Variants in APOL2 observed in about 807,000 individuals in gnomAD.
APOL2 encodes apolipoprotein L, 2.
In APOL2, 8 loss-of-function variants were observed where a neutral mutation model predicts 7.1. That is an observed-to-expected ratio of 1.12 (90% CI 0.66 to 2.03). The LOEUF (loss-of-function observed/expected upper bound fraction) is 2.03. APOL2 is among the 30% of genes most tolerant of loss of function. APOL2 has a pLI of 0.00. For missense variants in APOL2, 471 were observed against 415.1 expected, an observed-to-expected ratio of 1.13 and a Z score of -1.17; for synonymous variants, 177 against 159.9, an observed-to-expected ratio of 1.11 and a Z score of -0.81.
chr22:36,232,603 C>T (rs1474487782), intron 3 of APOL2, among the ~76,000 whole-genome samples: 1 of 152,162 alleles, frequency 6.6e-6, no homozygotes, highest in Non-Finnish European at 1.5e-5. Flanking sequence ...CCAGGTCACA[C>T]AGAAGGGACT....
At position 36,230,177 on chromosome 22, in the gene APOL2, T is replaced by C. The variant is rs890873914; in HGVS notation, c.137+1163A>G. On this transcript the variant is annotated intron_variant, in intron 4 of 4. Coordinates refer to ENST00000358502, the MANE Select transcript of APOL2 (RefSeq NM_030882.4). Reference sequence around the variant, plus strand: ...GTAGAGGAAGTGTTTTCCTCCTCGGTTGGGACTTTGTGAGTCTGCTCAGTA... The same window carrying C: ...GTAGAGGAAGTGTTTTCCTCCTCGGCTGGGACTTTGTGAGTCTGCTCAGTA... 5.3e-5 allele frequency among the ~76,000 whole-genome samples: 8 copies of C among 152,252 alleles called. 1 individual carries two copies. Among genetic ancestry groups the C allele is most frequent in the African/African-American group, 1.4e-4 (6 of 41,470 alleles).
intron 1 of APOL2, chr22:36,237,004 A>T: frequency 7.1e-7 from 1 of 1,404,484 alleles, no homozygotes; most frequent in Non-Finnish European, 9.3e-7. Context: ...CATGAGAACC[A>T]GGAGGACCAG....
rs368449159 is a variant in APOL2 at position 36,227,477 on chromosome 22, G to A, written c.941C>T (p.Ala314Val). The A allele has an allele frequency of 1.7e-4, 277 of 1,614,040 alleles. No individual in the cohort carries two copies. The highest frequency in any genetic ancestry group is 2.2e-4 in the Non-Finnish European group (255 of 1,180,030). ...GTTGAGCTTCCCCTCCAGCTCCTGA[G>A]CCCGCTTCTTCAGCTCCTCAGCTGA... ...SESAEELKKRAQELEGKLNFL... is the reference protein window; with the variant it reads ...SESAEELKKRVQELEGKLNFL... The change falls in exon 5 of 5, where the codon GCT becomes GTT. Residue 314 changes from alanine (A) to valine (V), a missense_variant. Physicochemically the swap from Ala to Val is moderately conservative, Grantham distance 64 (BLOSUM62 0). Transcript: ENST00000358502.
chr22:36,232,442 A>G (rs934776072), intron 3 of APOL2, among the ~76,000 whole-genome samples: 2 of 152,244 alleles, frequency 1.3e-5, no homozygotes, highest in African/African-American at 4.8e-5. Flanking sequence ...GGGGATAGAT[A>G]GAGGAGATAG....
intron 1 of APOL2, chr22:36,239,089 T>G (rs2015512322): frequency 1.7e-6 from 2 of 1,146,474 alleles, no homozygotes; most frequent in Non-Finnish European, 2.2e-6. Context: ...TCCACCTTCT[T>G]TGATTCCTTC....
Position 36,227,024 on chromosome 22 carries a change from T to C in APOL2, c.*380A>G, listed in dbSNP as rs1254663553. The C allele has an allele frequency of 1.6e-5, 3 of 182,764 alleles. No homozygotes were observed. The highest frequency in any genetic ancestry group is 3.4e-5 in the Non-Finnish European group (3 of 87,382). The allele number at this position is 182,764 out of a possible 1,614,324, so 11.3% of individuals were successfully genotyped here. A position where few individuals can be genotyped will look rare whatever the true frequency, so the allele number is the denominator to read the frequency against. Reference sequence around the variant, plus strand: ...CCCTCCTTATCCCCCTAATAAAATGTCTGCATTTTGGCCAGGCGCGGTGGC... The same window carrying C: ...CCCTCCTTATCCCCCTAATAAAATGCCTGCATTTTGGCCAGGCGCGGTGGC... On this transcript the variant is annotated 3_prime_UTR_variant, in exon 5 of 5. Coordinates refer to ENST00000358502, the MANE Select transcript of APOL2 (RefSeq NM_030882.4).
chr22:36,239,382 C>T (rs913490318), intron 1 of APOL2, 59 bp downstream of exon 1: 4 of 1,477,740 alleles, frequency 2.7e-6, no homozygotes, highest in Non-Finnish European at 3.6e-6. Context: ...TGATCCTTCC[C>T]TTATAGAGCT....
In APOL2 at chr22:36,232,111, A is replaced by C. The variant is rs184007438; in HGVS notation, c.11-645T>G. ...ATTTTCCAAAAAGGTAAATCAAAACAGGCAGTTTTGTAACTGCAACCAATC... is the reference window on the plus strand; with the variant it reads ...ATTTTCCAAAAAGGTAAATCAAAACCGGCAGTTTTGTAACTGCAACCAATC... On this transcript the variant is annotated intron_variant, in intron 3 of 4. Coordinates refer to ENST00000358502, the MANE Select transcript of APOL2 (RefSeq NM_030882.4). 2.6e-4 allele frequency among the ~76,000 whole-genome samples: 40 copies of C among 152,388 alleles called. 1 individual carries two copies. Among genetic ancestry groups the C allele is most frequent in the East Asian group, 5.8e-4 (3 of 5,194 alleles).
intron 1 of APOL2, 127 bp from the exon 2 acceptor site, chr22:36,233,582 C>A: frequency 1.2e-6 from 1 of 846,128 alleles, no homozygotes; most frequent in Non-Finnish European, 1.9e-6. Context: ...GGCCTGGGAA[C>A]ATGTATGATA....
intron 1 of APOL2, chr22:36,234,393 G>A (rs9610463): frequency 0.27 from 41,718 of 152,178 alleles, 6,409 homozygotes; most frequent in Non-Finnish European, 0.34. Context: ...CTCACTCCTA[G>A]TATGCAGCCC....
chr22:36,239,039 G>T (rs778248557), intron 1 of APOL2: 1 of 907,694 alleles, frequency 1.1e-6, no homozygotes, highest in South Asian at 3.2e-5. Context: ...GGTGTGGCCC[G>T]GCCACAAGGA....
intron 1 of APOL2, chr22:36,239,135 C>T: frequency 1.5e-5 from 18 of 1,206,908 alleles, no homozygotes; most frequent in Non-Finnish European, 1.7e-5. Flanking sequence ...CCAACACCTA[C>T]CTTTCTTCTG....
chr22:36,235,953 A>G (rs1332739033), intron 1 of APOL2, among the ~76,000 whole-genome samples: 1 of 152,118 alleles, frequency 6.6e-6, no homozygotes, highest in Admixed American at 6.5e-5. Flanking sequence ...TAAAAAGGGA[A>G]TGGTTCTGTG....
chr22:36,237,174 C>T, intron 1 of APOL2: 1 of 1,501,984 alleles, frequency 6.7e-7, no homozygotes, highest in Non-Finnish European at 8.9e-7. Flanking sequence ...GGATACTGCC[C>T]CTCAGGCTTG....
chr22:36,228,748 C>T (rs1357668885), intron 4 of APOL2, among the ~76,000 whole-genome samples: 2 of 152,216 alleles, frequency 1.3e-5, no homozygotes, highest in Non-Finnish European at 2.9e-5. Flanking sequence ...CTGGAATGTC[C>T]TGCCTGGTAG....
chr22:36,226,918 T>A lies in APOL2; in HGVS notation c.*486A>T, dbSNP rs2015013067. On this transcript the variant is annotated 3_prime_UTR_variant, in exon 5 of 5. Coordinates refer to ENST00000358502, the MANE Select transcript of APOL2 (RefSeq NM_030882.4). ...TGCCTTCTCCTTGGTGCACTTGCCA[T>A]CTGCATTAACCCCTCCCTTGCTGTG... The A allele has an allele frequency of 6.2e-6, 1 of 162,560 alleles. No homozygotes were observed. Among genetic ancestry groups the A allele is most frequent in the Admixed American group, 6.3e-5 (1 of 15,836 alleles). 10.1% of individuals were successfully genotyped at this position (162,560 alleles called of 1,614,324 possible).
Position 36,227,159 on chromosome 22 carries a change from C to CA in APOL2, c.*244dup, listed in dbSNP as rs765927643. On this transcript the variant is annotated 3_prime_UTR_variant, in exon 5 of 5. Coordinates refer to ENST00000358502, the MANE Select transcript of APOL2 (RefSeq NM_030882.4). ...TGAAACCCCGTCTCCAGTGAAAATA[C>CA]AAAAAAATTAGCCGGGCGTGGTGGC... The CA allele has an allele frequency of 8.5e-5, 33 of 388,216 alleles. No individual in the cohort carries two copies. Among genetic ancestry groups the CA allele is most frequent in the Non-Finnish European group, 1.3e-4 (29 of 220,618 alleles). The allele number at this position is 388,216 out of a possible 1,614,324, so 24.0% of individuals were successfully genotyped here. A position where few individuals can be genotyped will look rare whatever the true frequency, so the allele number is the denominator to read the frequency against.
At chr22:36,232,728 G>A (rs1306673542) in intron 3 of APOL2, among the ~76,000 whole-genome samples, 1 of 152,068 alleles carries the variant, frequency 6.6e-6, no homozygotes, top group Admixed American at 6.5e-5. Flanking sequence ...GGAGGGAGGG[G>A]ACCGGCCTGT....
chr22:36,235,756 GGTGTGTGT>G (rs869225053), intron 1 of APOL2, among the ~76,000 whole-genome samples: 1 of 113,064 alleles, frequency 8.8e-6, no homozygotes, highest in Non-Finnish European at 1.8e-5. Context: ...TGGGTGGGTG[GGTGTGTGT>G]GTGTGTGTGT....
Sources: gnomAD v4.1 joint callset for allele counts (sites outside exome capture counted in the v4.1 genomes callset) on GRCh38, gnomAD v4.1.1 for gene constraint, MANE v1.5 for transcripts, NCBI Gene and HGNC (gene_info 2026-07-23, HGNC 2026-07-21) for gene names.